DCC: variants seen among roughly 807,000 people sequenced by gnomAD.
DCC encodes netrin receptor DCC.
In DCC, 58 loss-of-function variants were observed where a neutral mutation model predicts 172.5. The observed-to-expected ratio is 0.34, with a 90% CI of 0.27 to 0.42. The LOEUF is 0.42. Ranked by LOEUF, DCC falls within the 10% of genes least tolerant of loss-of-function variation. DCC has a pLI of 1.00. For missense variants in DCC, 1,740 were observed against 1,791.0 expected, an observed-to-expected ratio of 0.97 and a Z score of 0.51; for synonymous variants, 709 against 644.5, an observed-to-expected ratio of 1.10 and a Z score of -1.52.
At position 53,530,682 on chromosome 18, in the gene DCC, T is replaced by C; in HGVS notation, c.*29T>C. 7.9e-7 allele frequency: 1 copy of C among 1,272,996 alleles called. No individual in the cohort carries two copies. The highest frequency in any genetic ancestry group is 1.2e-6 in the Non-Finnish European group (1 of 868,492). 78.9% of individuals were successfully genotyped at this position (1,272,996 alleles called of 1,614,324 possible). ...GTATTTCTGAATGGATGAGGTGAAT[T>C]TTCCGGGAACTTTGCAGCATACCAA... On this transcript the variant is annotated 3_prime_UTR_variant, in exon 29 of 29. Transcript: ENST00000442544.
At chr18:52,941,813 T>G (rs887504454) in intron 5 of DCC, among the ~76,000 whole-genome samples, 1 of 152,120 alleles carries the variant, frequency 6.6e-6, no homozygotes, top group African/African-American at 2.4e-5. Flanking sequence ...GATGGAGTCT[T>G]GCTCTGTCAC....
intron 13 of DCC, among the ~76,000 whole-genome samples, chr18:53,320,352 A>T (rs1046680896): frequency 1.3e-5 from 2 of 152,162 alleles, no homozygotes; most frequent in Admixed American, 1.3e-4. Flanking sequence ...GATTACAGGC[A>T]TGAGCCACCG....
At chr18:52,844,962 G>A (rs899206010) in intron 2 of DCC, among the ~76,000 whole-genome samples, 1 of 152,198 alleles carries the variant, frequency 6.6e-6, no homozygotes, top group East Asian at 1.9e-4. Context: ...GTAAAGGAAG[G>A]AGAAGAATTT....
chr18:52,845,587 C>G (rs1176322558), intron 2 of DCC, among the ~76,000 whole-genome samples: 1 of 152,184 alleles, frequency 6.6e-6, no homozygotes, highest in Non-Finnish European at 1.5e-5. Context: ...CTCCTGAAAA[C>G]AGTGGGAGGC....
intron 1 of DCC, among the ~76,000 whole-genome samples, chr18:52,347,923 C>T (rs542509501): frequency 6.6e-6 from 1 of 152,056 alleles, no homozygotes; most frequent in South Asian, 2.1e-4. Flanking sequence ...ATCATGATAA[C>T]AATAATAATA....
intron 9 of DCC, among the ~76,000 whole-genome samples, chr18:53,191,365 C>T (rs2055364087): frequency 6.6e-6 from 1 of 152,048 alleles, no homozygotes; most frequent in African/African-American, 2.4e-5. Flanking sequence ...TTAAATTAAA[C>T]AGCTTGATTA....
chr18:53,424,008 A>G (rs2145083876), intron 21 of DCC, among the ~76,000 whole-genome samples: 1 of 152,342 alleles, frequency 6.6e-6, no homozygotes, highest in South Asian at 2.1e-4. Flanking sequence ...GGAGACGAGA[A>G]GTTATGCATA....
At chr18:52,887,280 C>T (rs1245634057) in intron 2 of DCC, among the ~76,000 whole-genome samples, 1 of 151,992 alleles carries the variant, frequency 6.6e-6, no homozygotes, top group East Asian at 1.9e-4. Context: ...ACTACCTCTT[C>T]TAGCATTTAG....
At chr18:52,521,474 T>C (rs1386096460) in intron 1 of DCC, among the ~76,000 whole-genome samples, 1 of 152,196 alleles carries the variant, frequency 6.6e-6, no homozygotes, top group African/African-American at 2.4e-5. Flanking sequence ...CAGTGAGGGC[T>C]TTGTTTCTGG....
At chr18:52,404,658 T>G (rs1008351749) in intron 1 of DCC, among the ~76,000 whole-genome samples, 8 of 151,334 alleles carry the variant, frequency 5.3e-5, no homozygotes, top group Admixed American at 3.3e-4. Context: ...CTTTTTTGTT[T>G]TCTTTTTTTT....
At chr18:52,601,318 A>G (rs544607642) in intron 1 of DCC, among the ~76,000 whole-genome samples, 1 of 152,034 alleles carries the variant, frequency 6.6e-6, no homozygotes, top group African/African-American at 2.4e-5. Flanking sequence ...TTATTTATCT[A>G]TCTGGAATTT....
At chr18:52,745,715 T>G (rs568792683) in intron 1 of DCC, among the ~76,000 whole-genome samples, 4 of 152,328 alleles carry the variant, frequency 2.6e-5, no homozygotes, top group Admixed American at 2.6e-4. Flanking sequence ...CACAGTACAG[T>G]GCTATAGAGC....
chr18:52,471,607 T>C (rs1988947571), intron 1 of DCC, among the ~76,000 whole-genome samples: 1 of 152,220 alleles, frequency 6.6e-6, no homozygotes, highest in Non-Finnish European at 1.5e-5. Flanking sequence ...TTGAAATATA[T>C]TTCTAAGCTG....
chr18:53,071,066 A>C (rs973545265), intron 7 of DCC, among the ~76,000 whole-genome samples: 2 of 152,214 alleles, frequency 1.3e-5, no homozygotes, highest in African/African-American at 4.8e-5. Context: ...GCCTGTCCAC[A>C]GGGGCTTGTG....
At chr18:53,297,594 A>T (rs1325910992) in intron 12 of DCC, among the ~76,000 whole-genome samples, 2 of 152,208 alleles carry the variant, frequency 1.3e-5, no homozygotes, top group South Asian at 4.1e-4. Flanking sequence ...AGGGTTGCCT[A>T]TGAAAGCTAG....
chr18:52,554,755 A>G (rs956491327), intron 1 of DCC, among the ~76,000 whole-genome samples: 1 of 152,124 alleles, frequency 6.6e-6, no homozygotes, highest in Non-Finnish European at 1.5e-5. Context: ...GACCAATTAA[A>G]GTAAATTCAC....
At chr18:53,196,281 T>A (rs2055441875) in intron 9 of DCC, among the ~76,000 whole-genome samples, 1 of 152,180 alleles carries the variant, frequency 6.6e-6, no homozygotes, top group Non-Finnish European at 1.5e-5. Flanking sequence ...TGAAACAATT[T>A]GAGACTTCCA....
chr18:52,514,683 A>G (rs1458797240), intron 1 of DCC, among the ~76,000 whole-genome samples: 1 of 152,232 alleles, frequency 6.6e-6, no homozygotes, highest in East Asian at 1.9e-4. Flanking sequence ...ATAATTTTCC[A>G]TATGCCTTTC....
chr18:53,035,450 C>G (rs565394775), intron 5 of DCC, among the ~76,000 whole-genome samples: 1 of 151,942 alleles, frequency 6.6e-6, no homozygotes, highest in Non-Finnish European at 1.5e-5. Flanking sequence ...GCAGTATTAC[C>G]TGGTCAAACT....
Sources: allele counts gnomAD v4.1 joint callset (sites outside exome capture counted in the v4.1 genomes callset), GRCh38; gene constraint gnomAD v4.1.1; transcripts MANE v1.5; gene names NCBI Gene and HGNC (gene_info 2026-07-23, HGNC 2026-07-21).